MEG3: variants seen among roughly 807,000 people sequenced by gnomAD.
MEG3 encodes maternally expressed 3.
At chr14:100,851,456 A>C (rs2139996441) in intron 3 of MEG3, 1 of 152,276 alleles carries the variant, frequency 6.6e-6, no homozygotes, top group Non-Finnish European at 1.5e-5. Flanking sequence ...GGCCAGGCGC[A>C]CCTGAGAAGG....
chr14:100,843,833 G>GTTTT lies in MEG3; in HGVS notation n.3046-1604_3046-1601dup, dbSNP rs11307044. On this transcript the variant is annotated intron_variant and non_coding_transcript_variant, in intron 2 of 3. Coordinates refer to the MEG3 transcript ENST00000398461. ...TGGAGTCAGGTGTCTCCCGGGACCT[G>GTTTT]TTTTTTTTTTTTTTTTTTTTTTTTG... Among the ~76,000 whole-genome samples, 192 of 70,744 alleles carry GTTTT rather than the reference G, an allele frequency of 2.7e-3. 4 individuals are homozygous for GTTTT. Among genetic ancestry groups the GTTTT allele is most frequent in the Admixed American group, 0.022 (139 of 6,256 alleles). 46.4% of individuals were successfully genotyped at this position (70,744 alleles called of 152,430 possible).
intron 2 of MEG3, among the ~76,000 whole-genome samples, chr14:100,841,013 G>A (rs955056055): frequency 1.3e-5 from 2 of 152,194 alleles, no homozygotes; most frequent in Non-Finnish European, 2.9e-5. Context: ...AAATCCACAG[G>A]GCTGTTGTTT....
chr14:100,840,298 A>G (rs2037713140), intron 2 of MEG3, among the ~76,000 whole-genome samples: 1 of 152,152 alleles, frequency 6.6e-6, no homozygotes, highest in African/African-American at 2.4e-5. Flanking sequence ...AGCAGTGAAT[A>G]GGGTCTTTGG....
At chr14:100,826,948 G>T (rs977435429) in intron 1 of MEG3, among the ~76,000 whole-genome samples, 2 of 151,934 alleles carry the variant, frequency 1.3e-5, no homozygotes, top group African/African-American at 4.8e-5. Context: ...TCGTGGGATT[G>T]GGGGCACTGG....
chr14:100,843,965 G>A (rs2037837846), intron 2 of MEG3, among the ~76,000 whole-genome samples: 1 of 149,818 alleles, frequency 6.7e-6, no homozygotes, highest in Non-Finnish European at 1.5e-5. Context: ...TCAGCCTCCC[G>A]AGTAGCTGAG....
At chr14:100,836,961 A>G (rs1365003801) in intron 2 of MEG3, among the ~76,000 whole-genome samples, 1 of 152,192 alleles carries the variant, frequency 6.6e-6, no homozygotes, top group Non-Finnish European at 1.5e-5. Flanking sequence ...GAGCCACACA[A>G]TTCACTCGAG....
chr14:100,834,848 T>G (rs1404714666), exon 1 of MEG3: 2 of 456,208 alleles, frequency 4.4e-6, no homozygotes, highest in African/African-American at 4.0e-5. Flanking sequence ...AATTCATTTT[T>G]GAGAGGTGTG....
chr14:100,827,892 C>A (rs2037287073), intron 1 of MEG3, among the ~76,000 whole-genome samples: 1 of 152,236 alleles, frequency 6.6e-6, no homozygotes, highest in Non-Finnish European at 1.5e-5. Flanking sequence ...GGGATTTCTG[C>A]TTTTCCCTGT....
chr14:100,844,369 A>G (rs2037850541), intron 2 of MEG3, among the ~76,000 whole-genome samples: 1 of 152,086 alleles, frequency 6.6e-6, no homozygotes, highest in African/African-American at 2.4e-5. Flanking sequence ...CGTTGGTGGG[A>G]CCTCAGCTGT....
exon 1 of MEG3, chr14:100,858,526 C>G (rs1595311429): frequency 6.5e-6 from 1 of 152,736 alleles, no homozygotes. Flanking sequence ...CCACGCAAGC[C>G]TCCCTTGCCC....
At chr14:100,836,542 C>A (rs989554097) in intron 2 of MEG3, among the ~76,000 whole-genome samples, 4 of 152,066 alleles carry the variant, frequency 2.6e-5, no homozygotes, top group African/African-American at 9.7e-5. Context: ...GGGCCGGCGA[C>A]GGTAGGTGGG....
chr14:100,838,856 A>T (rs961269865), intron 2 of MEG3, among the ~76,000 whole-genome samples: 6 of 151,222 alleles, frequency 4.0e-5, no homozygotes, highest in Admixed American at 6.6e-5. Context: ...TCATTCGCTC[A>T]CTCGCCCCCA....
At chr14:100,842,695 A>C (rs1240833177) in intron 2 of MEG3, among the ~76,000 whole-genome samples, 1 of 152,212 alleles carries the variant, frequency 6.6e-6, no homozygotes, top group Non-Finnish European at 1.5e-5. Context: ...AACAGCCATA[A>C]GTTGTTTATA....
At chr14:100,836,825 A>T (rs1230919652) in intron 2 of MEG3, among the ~76,000 whole-genome samples, 1 of 143,450 alleles carries the variant, frequency 7.0e-6, no homozygotes, top group African/African-American at 2.5e-5. Flanking sequence ...TCCTTTAATC[A>T]AATAGTGGTT....
chr14:100,857,282 C>T (rs1186343315), exon 1 of MEG3: 1 of 152,178 alleles, frequency 6.6e-6, no homozygotes, highest in East Asian at 1.9e-4. Flanking sequence ...CTGGCAGACC[C>T]AGGGGCCACT....
chr14:100,852,426 G>A, upstream of MEG3: 1 of 534,402 alleles, frequency 1.9e-6, no homozygotes, highest in Non-Finnish European at 3.8e-6. Context: ...CCACGTGTCA[G>A]GGCCACATGA....
upstream of MEG3, chr14:100,855,055 C>T (rs2038197388): frequency 6.5e-6 from 1 of 152,714 alleles, no homozygotes. Flanking sequence ...GCTCGCCCTT[C>T]TTTCCAGAGC....
intron 2 of MEG3, among the ~76,000 whole-genome samples, chr14:100,843,833 G>GTTTTTT (rs11307044): frequency 0.011 from 746 of 70,736 alleles, 12 homozygotes; most frequent in Non-Finnish European, 0.016. Context: ...CCCGGGACCT[G>GTTTTTT]TTTTTTTTTT....
At chr14:100,834,181 G>A (rs1033283325), downstream of MEG3, 1 of 153,442 alleles carries the variant, frequency 6.5e-6, no homozygotes, top group African/African-American at 2.4e-5. Context: ...GTAGCTGTTG[G>A]AGAGTAGAAA....
Sources: gnomAD v4.1 joint callset for allele counts (sites outside exome capture counted in the v4.1 genomes callset) on GRCh38, gnomAD v4.1.1 for gene constraint, MANE v1.5 for transcripts, NCBI Gene and HGNC (gene_info 2026-07-23, HGNC 2026-07-21) for gene names.